COL6A3: variants seen among roughly 807,000 people sequenced by gnomAD.
The protein encoded by COL6A3 is collagen type VI alpha 3 chain.
A neutral mutation model predicts 274.1 loss-of-function variants in COL6A3; 137 were observed. The observed-to-expected ratio is 0.50, with a 90% CI of 0.44 to 0.58. COL6A3 has a LOEUF of 0.58. Ranked by LOEUF, COL6A3 falls within the 20% of genes least tolerant of loss-of-function variation. The probability of loss-of-function intolerance (pLI) is 0.00; values close to 1 mark genes in which losing one functional copy is unlikely to be tolerated. For missense variants in COL6A3, 3,950 were observed against 4,124.9 expected (o/e 0.96, Z 1.16); for synonymous variants, 1,650 against 1,650.6 (o/e 1.00, Z 0.01).
rs777454204 is a variant in COL6A3 at position 237,353,391 on chromosome 2, C to T, written c.6640G>A (p.Gly2214Ser). ...GPPGAKGNKG[G>S]PGQPGFEGEQ... ...CCCTCAAAGCCCGGCTGGCCAGGAC[C>T]GCCCTTGTTGCCCTTTGAAATAAGA... The change falls in exon 25 of 44, where the codon GGT becomes AGT. Residue 2214 changes from glycine to serine, a missense_variant. Around this residue, in one of 5 missense-constraint regions of COL6A3, gnomAD observed 1,284 missense variants for 1,349.7 expected, o/e 0.95. Coordinates refer to ENST00000295550, the MANE Select transcript of COL6A3 (RefSeq NM_004369.4). 25 of 1,613,984 alleles carry T rather than the reference C, an allele frequency of 1.5e-5. No individual in the cohort carries two copies. Among genetic ancestry groups the T allele is most frequent in the African/African-American group, 1.1e-4 (8 of 74,928 alleles).
At position 237,345,089 on chromosome 2, in the gene COL6A3, A is replaced by G. The variant is rs768164723; in HGVS notation, c.7131T>C (p.Cys2377=). The change falls in exon 34 of 44, where the codon TGT becomes TGC. Residue 2377 remains cysteine (C), a synonymous_variant. Transcript: ENST00000295550. ...KGNRGDSIDQ[C]ALIQSIKDKC... ...TATCTTTGATGCTTTGGATGAGGGCACATTGCTTTAAAAGAAAATAAAAGA... is the reference window on the plus strand; with the variant it reads ...TATCTTTGATGCTTTGGATGAGGGCGCATTGCTTTAAAAGAAAATAAAAGA... 50 of 1,614,094 alleles carry G rather than the reference A, an allele frequency of 3.1e-5. No homozygotes were observed. The South Asian group carries it at 4.0e-4, about 13-fold the overall frequency.
intron 4 of COL6A3, among the ~76,000 whole-genome samples, chr2:237,384,423 C>T (rs980663428): frequency 1.2e-4 from 19 of 152,116 alleles, no homozygotes; most frequent in Admixed American, 9.2e-4. Flanking sequence ...CCTCCTCCCA[C>T]GCCTCTCTCT....
intron 4 of COL6A3, chr2:237,386,354 G>T (rs552415637): frequency 4.9e-4 from 74 of 152,206 alleles, no homozygotes; most frequent in African/African-American, 1.7e-3. Context: ...CTCCAAAATG[G>T]TTATTTTTAA....
Position 237,361,087 on chromosome 2 carries a change from T to C in COL6A3, c.6210+34A>G, listed in dbSNP as rs758079240. On this transcript the variant is annotated intron_variant, in intron 16 of 43. Coordinates refer to ENST00000295550, the MANE Select transcript of COL6A3 (RefSeq NM_004369.4). The surrounding 1 kb of genome is among the most constrained non-coding windows in gnomAD (Gnocchi z 5.1). ...CAATGGGTAAGGATCAAGGAGGGGGTGAAATTTTAGGGACTAAAACAATTT... is the reference window on the plus strand; with the variant it reads ...CAATGGGTAAGGATCAAGGAGGGGGCGAAATTTTAGGGACTAAAACAATTT... 3 of 1,589,384 alleles carry C rather than the reference T, an allele frequency of 1.9e-6. No individual in the cohort carries two copies.
At chr2:237,335,600 A>G (rs1700497992) in intron 40 of COL6A3, among the ~76,000 whole-genome samples, 1 of 152,174 alleles carries the variant, frequency 6.6e-6, no homozygotes, top group Non-Finnish European at 1.5e-5. Flanking sequence ...CTGAACACCC[A>G]GTATTGCCAC....
Position 237,361,822 on chromosome 2 carries a change from C to T in COL6A3, c.6073G>A (p.Ala2025Thr), listed in dbSNP as rs1225792453. Residue 2025 changes from alanine (A) to threonine (T), a missense_variant, in exon 15 of 44, where the codon GCC becomes ACC. Ala to Thr is a moderately conservative substitution (Grantham distance 58). This residue lies in a region of COL6A3 where 632 missense variants were observed against 623.4 expected (regional missense o/e 1.01). Transcript: ENST00000295550. The surrounding 1 kb of genome is among the most constrained non-coding windows in gnomAD (Gnocchi z 5.1). ...GGAACCCCACAGCAAGCTTTCTCGGCAATGTTGTCCTACCGAAAGGAAGAG... is the reference window on the plus strand; with the variant it reads ...GGAACCCCACAGCAAGCTTTCTCGGTAATGTTGTCCTACCGAAAGGAAGAG... ...YELAEQLDNI[A>T]EKACCGVPCK... is the part of the protein sequence containing the mutation. 1.9e-6 allele frequency: 3 copies of T among 1,614,014 alleles called. No homozygotes were observed. The highest frequency in any genetic ancestry group is 3.3e-5 in the Admixed American group (2 of 60,010).
chr2:237,359,995 C>G, intron 17 of COL6A3, 93 bp downstream of exon 17: 1 of 1,338,820 alleles, frequency 7.5e-7, no homozygotes, highest in Non-Finnish European at 1.1e-6. Context: ...GTCAAGAAGC[C>G]TGGACCAGCG....
rs1233717260 is a variant in COL6A3, at chr2:237,361,904, AG to A, written c.6064-74del. 5.9e-6 allele frequency: 8 copies of A among 1,359,424 alleles called. No homozygotes were observed. In the East Asian group the frequency reaches 1.8e-4, roughly 31 times the overall value. The allele number at this position is 1,359,424 out of a possible 1,614,324, so 84.2% of individuals were successfully genotyped here. On this transcript the variant is annotated intron_variant, in intron 14 of 43. Transcript: ENST00000295550. This position sits in a 1 kb window ranked among gnomAD's most constrained non-coding sequence, Gnocchi z 5.1. ...AGCAGAAAATCATAAATGCGCTTTA[AG>A]GGTCAAAATCGGATGTGTGGGGGTT... is the stretch of plus-strand genomic sequence containing the variant.
rs957316308 is a variant in COL6A3 at position 237,364,088 on chromosome 2, G to T, written c.5917+262C>A. On this transcript the variant is annotated intron_variant, in intron 13 of 43. Coordinates refer to ENST00000295550, the MANE Select transcript of COL6A3 (RefSeq NM_004369.4). The surrounding 1 kb of genome is among the most constrained non-coding windows in gnomAD (Gnocchi z 4.6). Reference sequence around the variant, plus strand: ...CAATACGTCATGATCTTTTGCAAAAGCATCATGCTTTCTGAACATTCTACC... The same window carrying T: ...CAATACGTCATGATCTTTTGCAAAATCATCATGCTTTCTGAACATTCTACC... Among the ~76,000 whole-genome samples, 5 of 152,138 alleles carry T rather than the reference G, an allele frequency of 3.3e-5. No homozygotes were observed. The highest frequency in any genetic ancestry group is 1.2e-4 in the African/African-American group (5 of 41,432).
rs370229367 is a variant in COL6A3 at position 237,375,027 on chromosome 2, G to A, written c.3071-7C>T. ...ACGTCCTTTTCACCTGAAACTGGGAGGAGGACAGCCTGGTAACTCACACAG... is the reference window on the plus strand; with the variant it reads ...ACGTCCTTTTCACCTGAAACTGGGAAGAGGACAGCCTGGTAACTCACACAG... On this transcript the variant is annotated splice_region_variant and splice_polypyrimidine_tract_variant and intron_variant, in intron 7 of 43. Coordinates refer to ENST00000295550, the MANE Select transcript of COL6A3 (RefSeq NM_004369.4). 1.2e-6 allele frequency: 2 copies of A among 1,613,276 alleles called. No homozygotes were observed. Among genetic ancestry groups the A allele is most frequent in the Non-Finnish European group, 8.5e-7 (1 of 1,180,022 alleles).
In COL6A3 at chr2:237,369,069, C is replaced by T. The variant is rs762888252; in HGVS notation, c.4394G>A (p.Arg1465Lys). The T allele has an allele frequency of 6.2e-7, 1 of 1,614,228 alleles. No homozygotes were observed. The highest frequency in any genetic ancestry group is 8.5e-7 in the Non-Finnish European group (1 of 1,180,044). The change falls in exon 10 of 44, where the codon AGA becomes AAA. Residue 1465 changes from arginine to lysine, a missense_variant. Coordinates refer to ENST00000295550, the MANE Select transcript of COL6A3 (RefSeq NM_004369.4). ...IRDFVSRIVR[R>K]LNIGPSKVRV... ...CACTTTACTGGGGCCGATGTTGAGT[C>T]TTCGAACAATCCTGCTAACAAAATC...
Position 237,368,549 on chromosome 2 carries a change from C to A in COL6A3, c.4900+14G>T. The A allele has an allele frequency of 6.2e-7, 1 of 1,613,708 alleles. No individual in the cohort carries two copies. Among genetic ancestry groups the A allele is most frequent in the South Asian group, 1.1e-5 (1 of 91,002 alleles). On this transcript the variant is annotated intron_variant, in intron 10 of 43. Coordinates refer to ENST00000295550, the MANE Select transcript of COL6A3 (RefSeq NM_004369.4). The surrounding 1 kb of genome is among the most constrained non-coding windows in gnomAD (Gnocchi z 4.4). Reference sequence around the variant, plus strand: ...GATGTCACACTCTGTAGTCATGGGTCACACGGTGCATACCTGGCCGTGAAG... The same window carrying A: ...GATGTCACACTCTGTAGTCATGGGTAACACGGTGCATACCTGGCCGTGAAG...
rs958602396 is a variant in COL6A3 at position 237,409,219 on chromosome 2, G to A, written c.-31+4734C>T. Among the ~76,000 whole-genome samples, 5 of 152,132 alleles carry A rather than the reference G, an allele frequency of 3.3e-5. 1 individual carries two copies. In the South Asian group the frequency reaches 8.3e-4, roughly 25 times the overall value. On this transcript the variant is annotated intron_variant, in intron 1 of 43. Transcript: ENST00000295550. Reference sequence around the variant, plus strand: ...TCAATTAGCCAAACAGAAATTATATGTTTGCCAACCAGAAGAGAGGGGGCT... The same window carrying A: ...TCAATTAGCCAAACAGAAATTATATATTTGCCAACCAGAAGAGAGGGGGCT...
intron 5 of COL6A3, among the ~76,000 whole-genome samples, chr2:237,380,140 T>C (rs2077965247): frequency 6.7e-6 from 1 of 149,650 alleles, no homozygotes; most frequent in Non-Finnish European, 1.5e-5. Context: ...GAGAAAGAGA[T>C]GGATATAGAA....
In COL6A3 at chr2:237,345,176, C is replaced by G. The variant is rs1420218861; in HGVS notation, c.7125+5G>C. Reference sequence around the variant, plus strand: ...AATGAGTCATTCTGGACACATGCAACTTACATCGATGGAGTCGCCCCTGTT... The same window carrying G: ...AATGAGTCATTCTGGACACATGCAAGTTACATCGATGGAGTCGCCCCTGTT... On this transcript the variant is annotated splice_donor_5th_base_variant and intron_variant, in intron 33 of 43. Coordinates refer to ENST00000295550, the MANE Select transcript of COL6A3 (RefSeq NM_004369.4). 6.2e-7 allele frequency: 1 copy of G among 1,614,198 alleles called. No homozygotes were observed. Among genetic ancestry groups the G allele is most frequent in the Non-Finnish European group, 8.5e-7 (1 of 1,180,042 alleles).
At chr2:237,351,025 T>C in intron 27 of COL6A3, 105 bp downstream of exon 27, 1 of 1,057,808 alleles carries the variant, frequency 9.5e-7, no homozygotes, top group Non-Finnish European at 1.5e-6. Context: ...TGGGAACCAG[T>C]AGTACTGAAG....
At chr2:237,390,775 T>G (rs4663738) in intron 3 of COL6A3, among the ~76,000 whole-genome samples, 6,382 of 152,274 alleles carry the variant, frequency 0.042, 289 homozygotes, top group African/African-American at 0.11. Flanking sequence ...CAAAATTGTA[T>G]ATATATTTTA....
chr2:237,338,170 T>C (rs946191396), intron 39 of COL6A3, among the ~76,000 whole-genome samples: 1 of 152,214 alleles, frequency 6.6e-6, no homozygotes. Flanking sequence ...CTTTGGTCAA[T>C]AGAACGTGGC....
intron 1 of COL6A3, among the ~76,000 whole-genome samples, chr2:237,400,660 C>T (rs1310056556): frequency 1.3e-5 from 2 of 151,904 alleles, no homozygotes; most frequent in Non-Finnish European, 2.9e-5. Flanking sequence ...CCAGATGTCT[C>T]TCCTGGAAAA....
Sources: gnomAD v4.1 joint callset for allele counts (sites outside exome capture counted in the v4.1 genomes callset) on GRCh38, gnomAD v4.1.1 for gene constraint, gnomAD v4.1.1 regional missense constraint, Gnocchi (gnomAD v3.1) non-coding constraint, MANE v1.5 for transcripts, NCBI Gene and HGNC (gene_info 2026-07-23, HGNC 2026-07-21) for gene names.